ITSN2: variants seen among roughly 807,000 people sequenced by gnomAD.
The protein encoded by ITSN2 is intersectin-2.
Under a neutral mutation model 243.7 loss-of-function variants are expected in ITSN2, and 156 were observed. That is an observed-to-expected ratio of 0.64 (90% CI 0.56 to 0.73). The LOEUF is 0.73. Ranked by LOEUF, ITSN2 falls within the 30% of genes least tolerant of loss-of-function variation. The pLI is 0.00. For missense variants in ITSN2, 1,801 were observed against 1,996.1 expected (o/e 0.90, Z 1.86); for synonymous variants, 703 against 699.9 (o/e 1.00, Z -0.07).
At chr2:24,329,289 C>T (rs1685516419) in intron 1 of ITSN2, among the ~76,000 whole-genome samples, 1 of 151,842 alleles carries the variant, frequency 6.6e-6, no homozygotes, top group South Asian at 2.1e-4. Flanking sequence ...GAGACGGAGT[C>T]TCGCTCTGTC....
At chr2:24,340,521 CAAGATG>C (rs965111187) in intron 1 of ITSN2, among the ~76,000 whole-genome samples, 1 of 151,896 alleles carries the variant, frequency 6.6e-6, no homozygotes, top group African/African-American at 2.4e-5. Context: ...TACCCAGCAT[CAAGATG>C]AAGAAAGTCA....
intron 29 of ITSN2, chr2:24,241,424 A>C (rs1287743974): frequency 6.6e-6 from 1 of 152,554 alleles, no homozygotes; most frequent in East Asian, 1.9e-4. Flanking sequence ...ATTAGCCCAG[A>C]GCACATAAAG....
At chr2:24,358,376 G>C (rs185089817) in intron 1 of ITSN2, among the ~76,000 whole-genome samples, 3 of 152,330 alleles carry the variant, frequency 2.0e-5, no homozygotes, top group Middle Eastern at 3.4e-3. Context: ...TTTTTGATGG[G>C]AAGATAATAA....
At chr2:24,332,421 C>T (rs1037148358) in intron 1 of ITSN2, among the ~76,000 whole-genome samples, 1 of 151,458 alleles carries the variant, frequency 6.6e-6, no homozygotes, top group African/African-American at 2.4e-5. Flanking sequence ...TGAAATAAAA[C>T]CTGAGAATGA....
chr2:24,284,614 G>T, intron 17 of ITSN2, 149 bp downstream of exon 17: 1 of 511,294 alleles, frequency 2.0e-6, no homozygotes, highest in Non-Finnish European at 3.6e-6. Flanking sequence ...ATAGCAGAAG[G>T]ATATTCAAGC....
intron 15 of ITSN2, among the ~76,000 whole-genome samples, chr2:24,292,497 T>C (rs1680384884): frequency 6.6e-6 from 1 of 152,112 alleles, no homozygotes; most frequent in African/African-American, 2.4e-5. Flanking sequence ...ATAGACCACA[T>C]CAATGGAAGG....
intron 29 of ITSN2, among the ~76,000 whole-genome samples, chr2:24,222,465 G>C (rs1396384965): frequency 2.0e-5 from 3 of 151,894 alleles, no homozygotes; most frequent in Non-Finnish European, 2.9e-5. Flanking sequence ...AAATAGTCCT[G>C]CAAGGTTATC....
At chr2:24,330,270 T>G in intron 1 of ITSN2, 1 of 361,992 alleles carries the variant, frequency 2.8e-6, no homozygotes, top group Non-Finnish European at 5.3e-6. Flanking sequence ...ACGTATTCTG[T>G]GAATACAAAA....
chr2:24,237,904 G>T (rs1672342468), intron 29 of ITSN2, among the ~76,000 whole-genome samples: 1 of 152,106 alleles, frequency 6.6e-6, no homozygotes, highest in Non-Finnish European at 1.5e-5. Flanking sequence ...CTGAGCTAGA[G>T]AATTTCTGAC....
At chr2:24,243,493 A>G (rs965375644) in intron 29 of ITSN2, among the ~76,000 whole-genome samples, 1 of 151,822 alleles carries the variant, frequency 6.6e-6, no homozygotes, top group Admixed American at 6.6e-5. Context: ...ATCTTTCAAT[A>G]TTTCCTTGTT....
intron 8 of ITSN2, among the ~76,000 whole-genome samples, chr2:24,305,802 C>T (rs1682457917): frequency 6.6e-6 from 1 of 152,074 alleles, no homozygotes; most frequent in African/African-American, 2.4e-5. Context: ...CTAAAAAACA[C>T]CATAATACAC....
intron 1 of ITSN2, among the ~76,000 whole-genome samples, chr2:24,340,209 C>T (rs143580142): frequency 5.3e-5 from 8 of 151,944 alleles, no homozygotes; most frequent in East Asian, 2.0e-4. Flanking sequence ...TGGCAGGGCG[C>T]GGTGGCTCAC....
intron 17 of ITSN2, among the ~76,000 whole-genome samples, chr2:24,279,979 G>A (rs1678562052): frequency 6.6e-6 from 1 of 151,860 alleles, no homozygotes; most frequent in Admixed American, 6.6e-5. Context: ...TGATCCACCC[G>A]CCTCAGCCTC....
chr2:24,318,021 T>C (rs1421992321), intron 2 of ITSN2, among the ~76,000 whole-genome samples: 1 of 152,214 alleles, frequency 6.6e-6, no homozygotes, highest in East Asian at 1.9e-4. Flanking sequence ...ATTTCTCCTA[T>C]ACCTTCCACC....
intron 18 of ITSN2, 107 bp from the exon 19 acceptor site, chr2:24,272,048 G>C: frequency 1.1e-6 from 1 of 903,136 alleles, no homozygotes; most frequent in Non-Finnish European, 1.6e-6. Context: ...TAGCAATGAA[G>C]TATTAGTACA....
At chr2:24,219,855 A>G (rs991885201) in intron 30 of ITSN2, among the ~76,000 whole-genome samples, 1 of 152,228 alleles carries the variant, frequency 6.6e-6, no homozygotes, top group African/African-American at 2.4e-5. Flanking sequence ...TAGGCCATCT[A>G]TCCTGGCCAG....
At chr2:24,266,788 A>AAAT (rs1553364375) in intron 20 of ITSN2, among the ~76,000 whole-genome samples, 1 of 141,376 alleles carries the variant, frequency 7.1e-6, no homozygotes, top group Non-Finnish European at 1.5e-5. Context: ...AAAAAAAAAA[A>AAAT]TAGCCAGGTG....
chr2:24,298,579 A>C (rs937676000), intron 13 of ITSN2, 86 bp downstream of exon 13: 1 of 1,280,668 alleles, frequency 7.8e-7, no homozygotes, highest in African/African-American at 1.5e-5. Flanking sequence ...AACAGGTGTG[A>C]GCCACCACGC....
intron 17 of ITSN2, among the ~76,000 whole-genome samples, chr2:24,277,736 T>C (rs775636302): frequency 1.1e-4 from 17 of 152,154 alleles, no homozygotes; most frequent in Admixed American, 2.0e-4. Context: ...GGTACAAGGG[T>C]GTCCAATCTT....
Sources: gnomAD v4.1 joint callset for allele counts (sites outside exome capture counted in the v4.1 genomes callset) on GRCh38, gnomAD v4.1.1 for gene constraint, MANE v1.5 for transcripts, NCBI Gene and HGNC (gene_info 2026-07-23, HGNC 2026-07-21) for gene names.